GABRB2: variants seen among roughly 807,000 people sequenced by gnomAD.
GABRB2 encodes the protein gamma-aminobutyric acid type A receptor subunit beta2.
A neutral mutation model predicts 54.7 loss-of-function variants in GABRB2; 16 were observed. That is an observed-to-expected ratio of 0.29 (90% CI 0.20 to 0.44). The LOEUF is 0.44. Ranked by LOEUF, GABRB2 falls within the 20% of genes least tolerant of loss-of-function variation. The probability of loss-of-function intolerance (pLI) is 1.00; values close to 1 mark genes in which losing one functional copy is unlikely to be tolerated. For missense variants in GABRB2, 355 were observed against 644.0 expected, an observed-to-expected ratio of 0.55 and a Z score of 4.86; for synonymous variants, 244 against 233.8, an observed-to-expected ratio of 1.04 and a Z score of -0.40.
chr5:161,355,978 C>T (rs1754615132), intron 5 of GABRB2, among the ~76,000 whole-genome samples: 1 of 152,070 alleles, frequency 6.6e-6, no homozygotes, highest in Admixed American at 6.6e-5. Flanking sequence ...GTTCTCATTC[C>T]TTTTCTGCTC....
chr5:161,415,885 T>C (rs914121711), intron 4 of GABRB2, among the ~76,000 whole-genome samples: 1 of 152,100 alleles, frequency 6.6e-6, no homozygotes, highest in Admixed American at 6.5e-5. Flanking sequence ...AGTGCTAGGA[T>C]TACAGGCGTG....
At chr5:161,345,783 G>T (rs1279935929) in intron 5 of GABRB2, among the ~76,000 whole-genome samples, 1 of 152,056 alleles carries the variant, frequency 6.6e-6, no homozygotes, top group Non-Finnish European at 1.5e-5. Flanking sequence ...GTGTTGGATA[G>T]TCTTCCCCTC....
chr5:161,512,897 T>C (rs1392464863), intron 3 of GABRB2, among the ~76,000 whole-genome samples: 1 of 151,764 alleles, frequency 6.6e-6, no homozygotes, highest in Non-Finnish European at 1.5e-5. Flanking sequence ...GCAAAAAATA[T>C]GTTCAGACAC....
intron 5 of GABRB2, among the ~76,000 whole-genome samples, chr5:161,345,826 T>C (rs951776172): frequency 6.6e-6 from 1 of 152,094 alleles, no homozygotes; most frequent in African/African-American, 2.4e-5. Context: ...AAGAACCATG[T>C]CCGGTCCTTC....
At chr5:161,310,764 ATTTT>A (rs34428930) in intron 9 of GABRB2, among the ~76,000 whole-genome samples, 1 of 139,132 alleles carries the variant, frequency 7.2e-6, no homozygotes, top group Non-Finnish European at 1.5e-5. Context: ...ATGCTACAGC[ATTTT>A]TTTTTTTTTT....
intron 9 of GABRB2, among the ~76,000 whole-genome samples, chr5:161,324,929 G>A (rs539243156): frequency 1.3e-5 from 2 of 152,152 alleles, no homozygotes; most frequent in South Asian, 4.1e-4. Context: ...TGGGATAAGA[G>A]AGTATTAACG....
intron 4 of GABRB2, among the ~76,000 whole-genome samples, chr5:161,451,957 C>A (rs1278796790): frequency 1.3e-5 from 2 of 152,056 alleles, no homozygotes; most frequent in Admixed American, 1.3e-4. Context: ...TGGATTATTT[C>A]ATGATTCAAC....
At chr5:161,348,294 A>G (rs1754377141) in intron 5 of GABRB2, among the ~76,000 whole-genome samples, 2 of 152,122 alleles carry the variant, frequency 1.3e-5, no homozygotes, top group Non-Finnish European at 2.9e-5. Context: ...TCTAATGAAT[A>G]TAAATAACGT....
At chr5:161,423,745 T>A (rs964617738) in intron 4 of GABRB2, among the ~76,000 whole-genome samples, 2 of 152,126 alleles carry the variant, frequency 1.3e-5, no homozygotes, top group Non-Finnish European at 2.9e-5. Flanking sequence ...AAGATTTCCA[T>A]GTGTACTTTA....
chr5:161,315,979 A>G (rs746257395), intron 9 of GABRB2, among the ~76,000 whole-genome samples: 15 of 152,332 alleles, frequency 9.8e-5, no homozygotes, highest in Non-Finnish European at 1.9e-4. Flanking sequence ...TAGGTTTTAA[A>G]TAACAGTAAG....
upstream of GABRB2, among the ~76,000 whole-genome samples, chr5:161,547,262 G>A (rs1390749342): frequency 7.7e-6 from 1 of 130,410 alleles, no homozygotes; most frequent in African/African-American, 3.0e-5. Flanking sequence ...GAGTCGAAGC[G>A]GGAGGGAGGG....
intron 5 of GABRB2, among the ~76,000 whole-genome samples, chr5:161,383,805 C>G (rs781514303): frequency 2.2e-4 from 34 of 152,236 alleles, no homozygotes; most frequent in Non-Finnish European, 1.0e-4. Flanking sequence ...ATTAGCAATA[C>G]TTGCTGAATG....
chr5:161,541,794 T>C (rs1382583290), intron 3 of GABRB2, among the ~76,000 whole-genome samples: 2 of 152,220 alleles, frequency 1.3e-5, no homozygotes, highest in Admixed American at 6.5e-5. Context: ...TCAGTAAGCC[T>C]TTTCCATTTT....
intron 5 of GABRB2, among the ~76,000 whole-genome samples, chr5:161,344,395 T>C (rs1754257390): frequency 6.6e-6 from 1 of 152,120 alleles, no homozygotes; most frequent in African/African-American, 2.4e-5. Context: ...AGGCTAAGAA[T>C]ACTGCACTCT....
At chr5:161,376,559 T>G (rs931222401) in intron 5 of GABRB2, among the ~76,000 whole-genome samples, 1 of 152,168 alleles carries the variant, frequency 6.6e-6, no homozygotes, top group Non-Finnish European at 1.5e-5. Flanking sequence ...ACTCTAAAAC[T>G]TTTGGTTTCA....
chr5:161,440,590 A>G (rs528952931), intron 4 of GABRB2, among the ~76,000 whole-genome samples: 1 of 152,294 alleles, frequency 6.6e-6, no homozygotes, highest in African/African-American at 2.4e-5. Context: ...CATAAGGCAA[A>G]TATTATTAGA....
rs1301721484 is a variant in GABRB2 at position 161,294,017 on chromosome 5, A to G, written c.*64T>C. 5 of 1,255,544 alleles carry G rather than the reference A, an allele frequency of 4.0e-6. No homozygotes were observed. In the Admixed American group the frequency reaches 5.7e-5, roughly 14 times the overall value. 77.8% of individuals were successfully genotyped at this position (1,255,544 alleles called of 1,614,324 possible). A position where few individuals can be genotyped will look rare whatever the true frequency, so the allele number is the denominator to read the frequency against. The stretch of plus-strand genomic sequence containing the variant: ...TGGATTGATGTGTTTTCCAAGTCCT[A>G]CATCAGGCTGTACAACTGGTTTGAG... On this transcript the variant is annotated 3_prime_UTR_variant, in exon 10 of 10. Transcript: ENST00000393959.
chr5:161,436,322 G>C (rs905071215), intron 4 of GABRB2, among the ~76,000 whole-genome samples: 1 of 152,156 alleles, frequency 6.6e-6, no homozygotes, highest in Admixed American at 6.5e-5. Flanking sequence ...TACGAGGTCA[G>C]TAGGTCGAGA....
intron 3 of GABRB2, among the ~76,000 whole-genome samples, chr5:161,483,306 G>C (rs969472926): frequency 1.3e-5 from 2 of 151,856 alleles, no homozygotes; most frequent in Non-Finnish European, 2.9e-5. Flanking sequence ...AGCTATACCA[G>C]GACAAGACTT....
Sources: allele counts gnomAD v4.1 joint callset (sites outside exome capture counted in the v4.1 genomes callset), GRCh38; gene constraint gnomAD v4.1.1; transcripts MANE v1.5; gene names NCBI Gene and HGNC (gene_info 2026-07-23, HGNC 2026-07-21).